The following GPR107 variants were observed in gnomAD, a reference collection of about 807,000 sequenced individuals.
The protein encoded by GPR107 is protein GPR107.
GPR107 carries 31 observed loss-of-function variants against 75.5 expected under a neutral mutation model. The ratio of observed to expected loss-of-function variants is 0.41; its 90% confidence interval spans 0.31 to 0.55. The LOEUF is 0.55. Ranked by LOEUF, GPR107 falls within the 20% of genes least tolerant of loss-of-function variation. The pLI, the probability that GPR107 is intolerant of heterozygous loss-of-function variation, is 0.26. For missense variants in GPR107, 572 were observed against 665.7 expected (o/e 0.86, Z 1.55); for synonymous variants, 267 against 251.3 (o/e 1.06, Z -0.59).
At chr9:130,082,474 CTTTTTTTTTTTTTTTT>C (rs6151190) in intron 5 of GPR107, among the ~76,000 whole-genome samples, 71,287 of 127,572 alleles carry the variant, frequency 0.56, 17,698 homozygotes, top group East Asian at 0.81. Context: ...AAAAGAATAT[CTTTTTTTTTTTTTTTT>C]TTTTTTTTAG....
At chr9:130,122,481 T>G (rs989203974) in intron 14 of GPR107, among the ~76,000 whole-genome samples, 23 of 152,310 alleles carry the variant, frequency 1.5e-4, no homozygotes, top group African/African-American at 5.5e-4. Flanking sequence ...TGCTTCTCAG[T>G]TCTCATGTCT....
intron 1 of GPR107, among the ~76,000 whole-genome samples, chr9:130,062,639 TGCCTGCCTGCCTGCCTG>T (rs1829957026): frequency 5.0e-5 from 5 of 100,032 alleles, no homozygotes; most frequent in African/African-American, 1.4e-4. Flanking sequence ...CCTTCCTGCC[TGCCTGCCTGCCTGCCTG>T]CCTGCCTTCC....
rs570619638 is a variant in GPR107 at position 130,071,105 on chromosome 9, A to G, written c.142-4531A>G. Among the ~76,000 whole-genome samples the G allele has an allele frequency of 1.4e-3, 185 of 128,238 alleles. 1 individual carries two copies. The highest frequency in any genetic ancestry group is 5.1e-3 in the African/African-American group (172 of 33,814). 84.1% of individuals were successfully genotyped at this position (128,238 alleles called of 152,430 possible). A position where few individuals can be genotyped will look rare whatever the true frequency, so the allele number is the denominator to read the frequency against. On this transcript the variant is annotated intron_variant, in intron 1 of 17. Transcript: ENST00000347136. ...GGCTGGAGTGCAGTGATGCAGTCCC[A>G]GCCCACTGCAGCCTCGACATCCTGG... is the stretch of plus-strand genomic sequence containing the variant.
intron 5 of GPR107, among the ~76,000 whole-genome samples, chr9:130,080,925 T>C (rs1672260596): frequency 6.6e-6 from 1 of 151,146 alleles, no homozygotes; most frequent in African/African-American, 2.4e-5. Context: ...AAAGATAATT[T>C]ATGGCCAGGT....
At chr9:130,114,369 G>C (rs1036553357) in intron 14 of GPR107, among the ~76,000 whole-genome samples, 1 of 151,682 alleles carries the variant, frequency 6.6e-6, no homozygotes, top group Non-Finnish European at 1.5e-5. Flanking sequence ...ACTCCGTCTC[G>C]AAAAAATATA....
chr9:130,068,172 T>G (rs1422957827), intron 1 of GPR107, among the ~76,000 whole-genome samples: 2 of 152,064 alleles, frequency 1.3e-5, no homozygotes, highest in Non-Finnish European at 2.9e-5. Context: ...GGTCACAAAT[T>G]CAAGATGCGG....
At chr9:130,060,402 GTTTTTTTTT>G (rs11403227) in intron 1 of GPR107, among the ~76,000 whole-genome samples, 40 of 75,894 alleles carry the variant, frequency 5.3e-4, no homozygotes, top group African/African-American at 2.1e-3. Flanking sequence ...GATAATCCGA[GTTTTTTTTT>G]TTTTTTTTTT....
intron 1 of GPR107, among the ~76,000 whole-genome samples, chr9:130,069,937 C>G (rs1830159472): frequency 1.3e-5 from 2 of 148,712 alleles, no homozygotes; most frequent in Admixed American, 1.4e-4. Flanking sequence ...CCCACCTTGG[C>G]CTCCCATCGT....
chr9:130,121,535 A>G (rs1271107056), intron 14 of GPR107, among the ~76,000 whole-genome samples: 1 of 152,020 alleles, frequency 6.6e-6, no homozygotes, highest in Non-Finnish European at 1.5e-5. Context: ...GCCCTGCCCC[A>G]TTTCCTAGGC....
chr9:130,114,617 C>A, intron 14 of GPR107: 1 of 600,462 alleles, frequency 1.7e-6, no homozygotes, highest in Non-Finnish European at 2.6e-6. Flanking sequence ...AACTCCTGGC[C>A]TCTAGCTGTC....
rs1447148970 is a variant in GPR107, at chr9:130,136,698, C to G, written c.*1577C>G. ...TTCTCCCTGTCCCATGCTATCTTAT[C>G]TTCCTAAATGACTAATGAGGAAGCG... On this transcript the variant is annotated 3_prime_UTR_variant, in exon 18 of 18. Transcript: ENST00000347136. 6.6e-6 allele frequency: 1 copy of G among 152,254 alleles called. No individual in the cohort carries two copies. Among genetic ancestry groups the G allele is most frequent in the Non-Finnish European group, 1.5e-5 (1 of 68,044 alleles). 9.4% of individuals were successfully genotyped at this position (152,254 alleles called of 1,614,324 possible). A position where few individuals can be genotyped will look rare whatever the true frequency, so the allele number is the denominator to read the frequency against.
chr9:130,077,254 G>C, intron 3 of GPR107, 45 bp from the exon 4 acceptor site: 2 of 967,702 alleles, frequency 2.1e-6, no homozygotes, highest in Non-Finnish European at 3.4e-6. Flanking sequence ...TCTTGTTCTA[G>C]TGTGAATGAA....
intron 4 of GPR107, among the ~76,000 whole-genome samples, chr9:130,078,561 T>G (rs1410073725): frequency 6.6e-6 from 1 of 152,204 alleles, no homozygotes; most frequent in Non-Finnish European, 1.5e-5. Context: ...AGTGAAGACA[T>G]TGATTACCTC....
chr9:130,131,334 T>C (rs1230315854), intron 17 of GPR107, among the ~76,000 whole-genome samples: 1 of 152,048 alleles, frequency 6.6e-6, no homozygotes, highest in Non-Finnish European at 1.5e-5. Context: ...TCCCAGAGGT[T>C]TGCTGGGGGA....
At chr9:130,132,527 C>T (rs1160160994) in intron 17 of GPR107, among the ~76,000 whole-genome samples, 2 of 152,248 alleles carry the variant, frequency 1.3e-5, no homozygotes, top group Non-Finnish European at 2.9e-5. Flanking sequence ...TGGCTCACGC[C>T]TGTAATCCCA....
rs146598231 is a variant in GPR107, at chr9:130,091,877, G to A, written c.730-371G>A. Among the ~76,000 whole-genome samples, 133 of 151,994 alleles carry A rather than the reference G, an allele frequency of 8.8e-4. 1 individual carries two copies. The East Asian group carries it at 0.011, about 13-fold the overall frequency. On this transcript the variant is annotated intron_variant, in intron 8 of 17. Coordinates refer to ENST00000347136, the MANE Select transcript of GPR107 (RefSeq NM_020960.5). ...CACCTGGCTAATTTTTGTGTTTTTC[G>A]TAGAGACAGGGTTTCACCATGTTGG...
intron 16 of GPR107, among the ~76,000 whole-genome samples, chr9:130,128,205 G>T (rs1285131040): frequency 2.0e-5 from 3 of 152,186 alleles, no homozygotes; most frequent in Non-Finnish European, 4.4e-5. Context: ...TAGTTACAGG[G>T]CTGAGTAGTT....
chr9:130,082,674 T>C lies in GPR107; in HGVS notation c.527-891T>C, dbSNP rs554190973. On this transcript the variant is annotated intron_variant, in intron 5 of 17. Coordinates refer to ENST00000347136, the MANE Select transcript of GPR107 (RefSeq NM_020960.5). ...TTTGTATTTTTTAGTAGAGACGGGG[T>C]TTCACCATGTTAGCCAGGATGGTCT... 1.6e-3 allele frequency among the ~76,000 whole-genome samples: 238 copies of C among 151,990 alleles called. 1 individual carries two copies. The highest frequency in any genetic ancestry group is 5.6e-3 in the African/African-American group (234 of 41,434).
At chr9:130,060,354 C>T (rs530433644) in intron 1 of GPR107, among the ~76,000 whole-genome samples, 82 of 151,394 alleles carry the variant, frequency 5.4e-4, no homozygotes, top group Admixed American at 2.9e-3. Flanking sequence ...TGAGGCACCG[C>T]GCCCAGCCTA....
Sources: gnomAD v4.1 joint callset for allele counts (sites outside exome capture counted in the v4.1 genomes callset) on GRCh38, gnomAD v4.1.1 for gene constraint, MANE v1.5 for transcripts, NCBI Gene and HGNC (gene_info 2026-07-23, HGNC 2026-07-21) for gene names.